CDYL: variants seen among roughly 807,000 people sequenced by gnomAD.
The protein encoded by CDYL is chromodomain Y-like protein.
Under a neutral mutation model 47.3 loss-of-function variants are expected in CDYL, and 8 were observed. That is an observed-to-expected ratio of 0.17 (90% CI 0.10 to 0.31). The LOEUF (loss-of-function observed/expected upper bound fraction) is 0.31, where lower values mean the gene tolerates loss of function less well. CDYL is among the 10% of genes least tolerant of loss of function. The pLI is 1.00. For missense variants in CDYL, 471 were observed against 701.4 expected (o/e 0.67, Z 3.71); for synonymous variants, 266 against 265.0 (o/e 1.00, Z -0.04).
chr6:4,924,309 T>C (rs1380887129), intron 2 of CDYL, among the ~76,000 whole-genome samples: 1 of 152,182 alleles, frequency 6.6e-6, no homozygotes, highest in African/African-American at 2.4e-5. Context: ...GCTTACGTTC[T>C]TCTCTCTGTT....
chr6:4,846,635 T>C (rs1760667767), intron 1 of CDYL, among the ~76,000 whole-genome samples: 1 of 152,146 alleles, frequency 6.6e-6, no homozygotes, highest in South Asian at 2.1e-4. Flanking sequence ...CACATTGAAG[T>C]GTGAACTCTG....
chr6:4,786,861 T>A (rs1758769884), intron 1 of CDYL, among the ~76,000 whole-genome samples: 1 of 152,220 alleles, frequency 6.6e-6, no homozygotes, highest in Admixed American at 6.5e-5. Flanking sequence ...ATTGTCTGCA[T>A]GTCCAGCTGT....
chr6:4,825,848 CA>C (rs34591908), intron 1 of CDYL, among the ~76,000 whole-genome samples: 26,457 of 98,758 alleles, frequency 0.27, 2,987 homozygotes, highest in African/African-American at 0.45. Flanking sequence ...CCTAGAATGG[CA>C]AAAAAAAAAA....
intron 1 of CDYL, among the ~76,000 whole-genome samples, chr6:4,845,158 CTT>C (rs1344298297): frequency 6.6e-6 from 1 of 152,146 alleles, no homozygotes; most frequent in African/African-American, 2.4e-5. Flanking sequence ...TACTTGCAAA[CTT>C]TGATTTCAAC....
chr6:4,780,250 T>C lies in CDYL; in HGVS notation c.24+3443T>C, dbSNP rs183372733. ...CTTTCTTTCTTTCTCTTTTTTTTTT[T>C]CAAGAGTCTTGCTCTATCTCCCAGG... On this transcript the variant is annotated intron_variant, in intron 1 of 6. Coordinates refer to ENST00000397588, the MANE Select transcript of CDYL (RefSeq NM_004824.4). 7.4e-4 allele frequency among the ~76,000 whole-genome samples: 113 copies of C among 151,832 alleles called. 3 individuals carry two copies. In the East Asian group the frequency reaches 0.018, roughly 24 times the overall value.
intron 1 of CDYL, among the ~76,000 whole-genome samples, chr6:4,859,036 G>C (rs1761090851): frequency 6.6e-6 from 1 of 152,212 alleles, no homozygotes; most frequent in East Asian, 1.9e-4. Context: ...TGCTTTTAGA[G>C]TAGTCCTAGA....
At chr6:4,952,917 G>A (rs898646893) in intron 6 of CDYL, among the ~76,000 whole-genome samples, 4 of 151,992 alleles carry the variant, frequency 2.6e-5, no homozygotes, top group Non-Finnish European at 2.9e-5. Flanking sequence ...ACAGGCATGC[G>A]CCACCATGCC....
chr6:4,713,399 C>G (rs1757188388), intron 1 of CDYL, among the ~76,000 whole-genome samples: 1 of 152,052 alleles, frequency 6.6e-6, no homozygotes, highest in African/African-American at 2.4e-5. Context: ...TTTCCAGATG[C>G]TAAGAGAAGG....
At chr6:4,788,804 C>T (rs1365341967) in intron 1 of CDYL, among the ~76,000 whole-genome samples, 2 of 151,854 alleles carry the variant, frequency 1.3e-5, no homozygotes, top group Non-Finnish European at 2.9e-5. Context: ...TGTGGTCTGC[C>T]TGTCGAACAG....
intron 3 of CDYL, among the ~76,000 whole-genome samples, chr6:4,748,228 G>A (rs1757931116): frequency 6.6e-6 from 1 of 152,120 alleles, no homozygotes; most frequent in Admixed American, 6.6e-5. Flanking sequence ...CAGCTACTTA[G>A]TCTTCTTAAA....
In CDYL at chr6:4,808,640, C is replaced by T. The variant is rs148251337; in HGVS notation, c.24+31833C>T. Reference sequence around the variant, plus strand: ...CCCGCCTATTTGTTTATATATCACGCATGGTTGCGAGAGAGACCATATGGC... The same window carrying T: ...CCCGCCTATTTGTTTATATATCACGTATGGTTGCGAGAGAGACCATATGGC... On this transcript the variant is annotated intron_variant, in intron 1 of 6. Coordinates refer to ENST00000397588, the MANE Select transcript of CDYL (RefSeq NM_004824.4). 2.0e-3 allele frequency among the ~76,000 whole-genome samples: 306 copies of T among 152,302 alleles called. 1 individual carries two copies. Among genetic ancestry groups the T allele is most frequent in the African/African-American group, 6.8e-3 (282 of 41,566 alleles).
upstream of CDYL, among the ~76,000 whole-genome samples, chr6:4,774,339 A>G (rs1758384324): frequency 6.6e-6 from 1 of 152,248 alleles, no homozygotes; most frequent in African/African-American, 2.4e-5. Context: ...TCCCAAATGT[A>G]TAAAATCCTA....
intron 2 of CDYL, among the ~76,000 whole-genome samples, chr6:4,920,255 T>C (rs919786382): frequency 3.3e-5 from 5 of 152,216 alleles, no homozygotes; most frequent in African/African-American, 1.2e-4. Flanking sequence ...GTGGTGATGG[T>C]TGCACAATAG....
At chr6:4,943,510 T>C in intron 4 of CDYL, 36 bp from the exon 5 acceptor site, 1 of 1,384,810 alleles carries the variant, frequency 7.2e-7, no homozygotes, top group Non-Finnish European at 1.0e-6. Context: ...AAATATGCAA[T>C]GTTTTGAGTA....
At chr6:4,767,256 T>C (rs953353045) in intron 3 of CDYL, among the ~76,000 whole-genome samples, 3 of 139,426 alleles carry the variant, frequency 2.2e-5, no homozygotes, top group Admixed American at 6.8e-5. Context: ...TATTCATTCA[T>C]GATAAAAAAA....
chr6:4,788,480 C>CAAAAAAAAAAAAAA lies in CDYL; in HGVS notation c.24+11682_24+11695dup, dbSNP rs1220969716. Among the ~76,000 whole-genome samples, 28 of 61,060 alleles carry CAAAAAAAAAAAAAA rather than the reference C, an allele frequency of 4.6e-4. 1 individual carries two copies. Among genetic ancestry groups the CAAAAAAAAAAAAAA allele is most frequent in the African/African-American group, 1.8e-3 (25 of 13,536 alleles). 40.1% of individuals were successfully genotyped at this position (61,060 alleles called of 152,430 possible). A position where few individuals can be genotyped will look rare whatever the true frequency, so the allele number is the denominator to read the frequency against. ...CCTGGGTGACAGAGTGAGACTCTGT[C>CAAAAAAAAAAAAAA]AAAAAAAAAAAAAAAAAAAAAAGGC... On this transcript the variant is annotated intron_variant, in intron 1 of 6. Coordinates refer to ENST00000397588, the MANE Select transcript of CDYL (RefSeq NM_004824.4).
chr6:4,879,961 A>G (rs576741300), intron 1 of CDYL, among the ~76,000 whole-genome samples: 1 of 152,260 alleles, frequency 6.6e-6, no homozygotes, highest in East Asian at 1.9e-4. Flanking sequence ...GCACGCCCCT[A>G]CACACATACA....
At chr6:4,818,128 T>C (rs1022498) in intron 1 of CDYL, among the ~76,000 whole-genome samples, 4,129 of 152,098 alleles carry the variant, frequency 0.027, 195 homozygotes, top group African/African-American at 0.094. Context: ...TGGTGGCACA[T>C]ACAGGTAGTC....
chr6:4,908,592 G>A (rs1288560427), intron 2 of CDYL, among the ~76,000 whole-genome samples: 2 of 152,048 alleles, frequency 1.3e-5, no homozygotes, highest in Non-Finnish European at 2.9e-5. Flanking sequence ...AAGCTTCCAG[G>A]GTCTGTTTTT....
Sources: allele counts gnomAD v4.1 joint callset (sites outside exome capture counted in the v4.1 genomes callset), GRCh38; gene constraint gnomAD v4.1.1; transcripts MANE v1.5; gene names NCBI Gene and HGNC (gene_info 2026-07-23, HGNC 2026-07-21).